Variants in RAPGEF2 observed in about 807,000 individuals in gnomAD.
The protein encoded by RAPGEF2 is Rap guanine nucleotide exchange factor 2.
Under a neutral mutation model 186.7 loss-of-function variants are expected in RAPGEF2, and 54 were observed. The ratio of observed to expected loss-of-function variants is 0.29; its 90% CI spans 0.23 to 0.36. The LOEUF (loss-of-function observed/expected upper bound fraction) is 0.36. Among genes scored for constraint, RAPGEF2 ranks in the 10% least tolerant of loss-of-function variants. RAPGEF2 has a pLI of 1.00. For synonymous variants in RAPGEF2, 712 were observed against 705.9 expected, an observed-to-expected ratio of 1.01 and a Z score of -0.14; for missense variants, 1,532 against 2,045.0, an observed-to-expected ratio of 0.75 and a Z score of 4.84.
intron 7 of RAPGEF2, among the ~76,000 whole-genome samples, chr4:159,290,919 G>A (rs1191794027): frequency 6.6e-6 from 1 of 152,186 alleles, no homozygotes; most frequent in Non-Finnish European, 1.5e-5. Flanking sequence ...TACCTGGCAT[G>A]CCAGGGTTGA....
rs181029944 is a variant in RAPGEF2 at position 159,108,883 on chromosome 4, A to G, written c.69+4652A>G. On this transcript the variant is annotated intron_variant, in intron 1 of 29. Transcript: ENST00000691494. ...AGGCTTATGTCACTGTGCCTGGCTA[A>G]TTTAAAAAATTTTTTGTAGAGATGA... Among the ~76,000 whole-genome samples the G allele has an allele frequency of 1.0e-3, 158 of 152,152 alleles. 1 individual carries two copies. The highest frequency in any genetic ancestry group is 5.9e-4 in the Non-Finnish European group (40 of 67,986).
At chr4:159,262,993 G>T (rs1757045031) in intron 7 of RAPGEF2, among the ~76,000 whole-genome samples, 1 of 152,078 alleles carries the variant, frequency 6.6e-6, no homozygotes, top group African/African-American at 2.4e-5. Flanking sequence ...CATTTCCTAT[G>T]TGTCAGCCAT....
At chr4:159,176,392 G>A (rs1324655101) in intron 1 of RAPGEF2, among the ~76,000 whole-genome samples, 1 of 152,066 alleles carries the variant, frequency 6.6e-6, no homozygotes, top group Non-Finnish European at 1.5e-5. Context: ...TCCCTCTCCT[G>A]CATGAACTTT....
At position 159,331,155 on chromosome 4, in the gene RAPGEF2, T is replaced by A. The variant is rs924457540; in HGVS notation, c.1468-276T>A. ...TTACACCTTTGCTTTTATTTTGATC[T>A]GTTTCAAATGCATTTTGAAAGTTAG... On this transcript the variant is annotated intron_variant, in intron 13 of 29. Transcript: ENST00000691494. Among the ~76,000 whole-genome samples the A allele has an allele frequency of 1.3e-4, 20 of 152,342 alleles. No individual in the cohort carries two copies. In the South Asian group the frequency reaches 2.3e-3, roughly 17 times the overall value.
At chr4:159,273,938 C>A (rs1005812283) in intron 7 of RAPGEF2, among the ~76,000 whole-genome samples, 1 of 151,976 alleles carries the variant, frequency 6.6e-6, no homozygotes, top group Non-Finnish European at 1.5e-5. Flanking sequence ...ATTACAGGTG[C>A]GTGCCACCAC....
At chr4:159,136,545 C>G (rs1014728789) in intron 1 of RAPGEF2, among the ~76,000 whole-genome samples, 1 of 152,146 alleles carries the variant, frequency 6.6e-6, no homozygotes, top group Admixed American at 6.5e-5. Flanking sequence ...GTAGGGATTT[C>G]AGGCTACTAT....
chr4:159,290,125 C>T (rs4558822), intron 7 of RAPGEF2, among the ~76,000 whole-genome samples: 12,484 of 152,158 alleles, frequency 0.082, 705 homozygotes, highest in Middle Eastern at 0.16. Context: ...TTACAAGAAG[C>T]AAGATAGGAC....
intron 4 of RAPGEF2, among the ~76,000 whole-genome samples, chr4:159,223,207 C>CTTAG (rs10667278): frequency 4.1e-5 from 1 of 24,284 alleles, no homozygotes; most frequent in African/African-American, 3.5e-4. Context: ...TTAGATGTTT[C>CTTAG]TTACGGCGTT....
At chr4:159,307,849 T>C (rs1763491583) in intron 8 of RAPGEF2, among the ~76,000 whole-genome samples, 1 of 152,102 alleles carries the variant, frequency 6.6e-6, no homozygotes, top group South Asian at 2.1e-4. Context: ...TGCATGCCTA[T>C]AGTCCCAGCT....
intron 4 of RAPGEF2, among the ~76,000 whole-genome samples, chr4:159,214,475 G>A (rs7657919): frequency 0.33 from 50,184 of 151,962 alleles, 8,550 homozygotes; most frequent in Non-Finnish European, 0.37. Flanking sequence ...TGTACCTAAT[G>A]GATAGGAAAA....
chr4:159,195,875 G>GTTTTTTTTT (rs34827512), intron 3 of RAPGEF2, among the ~76,000 whole-genome samples: 1 of 94,208 alleles, frequency 1.1e-5, no homozygotes, highest in Non-Finnish European at 2.0e-5. Context: ...AAACATACCT[G>GTTTTTTTTT]TTTTTTTTTT....
At chr4:159,350,520 C>CT (rs1731024528) in intron 26 of RAPGEF2, among the ~76,000 whole-genome samples, 1 of 151,886 alleles carries the variant, frequency 6.6e-6, no homozygotes, top group South Asian at 2.1e-4. Flanking sequence ...TATAAGAAGC[C>CT]TTTTAAAAAT....
chr4:159,278,422 G>A (rs139698005), intron 7 of RAPGEF2, among the ~76,000 whole-genome samples: 2 of 152,050 alleles, frequency 1.3e-5, no homozygotes, highest in African/African-American at 2.4e-5. Flanking sequence ...TACCCCTAAG[G>A]AACCTGAGTA....
Position 159,353,556 on chromosome 4 carries a change from A to C in RAPGEF2, c.4161A>C (p.Thr1387=), listed in dbSNP as rs1731514531. 1 of 1,562,924 alleles carries C rather than the reference A, an allele frequency of 6.4e-7. No homozygotes were observed. Among genetic ancestry groups the C allele is most frequent in the Admixed American group, 2.0e-5 (1 of 50,624 alleles). The change falls in exon 28 of 30, where the codon ACA becomes ACC. Residue 1387 remains threonine (T), a synonymous_variant. Coordinates refer to ENST00000691494, the MANE Select transcript of RAPGEF2 (RefSeq NM_001394067.2). This position sits in a 1 kb window ranked among gnomAD's most constrained non-coding sequence, Gnocchi z 4.3. ...ATATVISSPS[T]EELSQDQGDR... ...CTACAGTAATTTCTTCTCCAAGCAC[A>C]GAGGAACTTTCCCAGGATCAGGGGG...
intron 7 of RAPGEF2, among the ~76,000 whole-genome samples, chr4:159,244,241 T>C (rs1164483153): frequency 1.3e-5 from 2 of 151,894 alleles, no homozygotes; most frequent in African/African-American, 2.4e-5. Flanking sequence ...TGGGAGAACA[T>C]TTTGGGAGGC....
chr4:159,352,924 T>C lies in RAPGEF2; in HGVS notation c.4091+14T>C. 3 of 1,583,926 alleles carry C rather than the reference T, an allele frequency of 1.9e-6. No individual in the cohort carries two copies. The highest frequency in any genetic ancestry group is 2.6e-6 in the Non-Finnish European group (3 of 1,156,266). On this transcript the variant is annotated intron_variant, in intron 27 of 29. Coordinates refer to ENST00000691494, the MANE Select transcript of RAPGEF2 (RefSeq NM_001394067.2). ...GTATAGCTTGGGGTAGGTGGCTCTT[T>C]TTAATATTCTTCTGAATTTATCCTT...
chr4:159,347,484 C>T (rs566306003), intron 25 of RAPGEF2, among the ~76,000 whole-genome samples: 4 of 152,212 alleles, frequency 2.6e-5, no homozygotes, highest in Non-Finnish European at 4.4e-5. Context: ...TTCATCTTTC[C>T]TACTAAAAGA....
chr4:159,195,220 C>T (rs1748510920), intron 3 of RAPGEF2, among the ~76,000 whole-genome samples: 2 of 152,060 alleles, frequency 1.3e-5, no homozygotes, highest in Non-Finnish European at 2.9e-5. Flanking sequence ...TACTTATTCC[C>T]AGAAGAAATG....
chr4:159,257,212 T>C (rs190789770), intron 7 of RAPGEF2, among the ~76,000 whole-genome samples: 28 of 152,328 alleles, frequency 1.8e-4, no homozygotes, highest in Admixed American at 1.8e-3. Flanking sequence ...TTTGTATTAG[T>C]CAGTTTCACA....
Sources: allele counts gnomAD v4.1 joint callset (sites outside exome capture counted in the v4.1 genomes callset), GRCh38; gene constraint gnomAD v4.1.1; non-coding constraint Gnocchi (gnomAD v3.1); transcripts MANE v1.5; gene names NCBI Gene and HGNC (gene_info 2026-07-23, HGNC 2026-07-21).